Variants in PIGN observed in about 807,000 individuals in gnomAD.
PIGN encodes phosphatidylinositol glycan anchor biosynthesis class N, also known as GPI ethanolamine phosphate transferase 1.
In PIGN, 117 loss-of-function variants were observed where a neutral mutation model predicts 125.4. The observed-to-expected ratio is 0.93, with a 90% confidence interval of 0.80 to 1.09. The LOEUF (loss-of-function observed/expected upper bound fraction) is 1.09. Among genes scored for constraint, PIGN ranks in the 50% least tolerant of loss-of-function variants. The pLI is 0.00. For missense variants in PIGN, 1,075 were observed against 1,094.9 expected (o/e 0.98, Z 0.26); for synonymous variants, 392 against 377.8 (o/e 1.04, Z -0.44).
At chr18:62,176,888 T>A (rs981531898) in intron 1 of PIGN, among the ~76,000 whole-genome samples, 1 of 152,136 alleles carries the variant, frequency 6.6e-6, no homozygotes, top group African/African-American at 2.4e-5. Context: ...TTAGGTGAAG[T>A]TGAGTAAAGG....
chr18:62,062,881 GC>G (rs2032242314), intron 30 of PIGN, among the ~76,000 whole-genome samples: 2 of 22,468 alleles, frequency 8.9e-5, no homozygotes, highest in East Asian at 1.2e-3. Context: ...TTTGTATTCT[GC>G]TTTTTTTTTT....
chr18:62,125,104 GT>G (rs2035466111), intron 14 of PIGN, among the ~76,000 whole-genome samples: 1 of 140,174 alleles, frequency 7.1e-6, no homozygotes, highest in African/African-American at 2.7e-5. Flanking sequence ...ATATATACAC[GT>G]TTGTACATAT....
At chr18:62,156,418 T>C (rs1276645721) in intron 6 of PIGN, among the ~76,000 whole-genome samples, 2 of 152,106 alleles carry the variant, frequency 1.3e-5, no homozygotes, top group African/African-American at 2.4e-5. Flanking sequence ...AGCCTCAACA[T>C]CCCAGGCTCT....
Position 62,097,988 on chromosome 18 carries a change from G to A in PIGN, c.2078-2038C>T, listed in dbSNP as rs147732841. The stretch of plus-strand genomic sequence containing the variant: ...GATAGACAAGTTGGGATGAAATCCC[G>A]GCTGAATCACTTACTAACTGTTTAA... On this transcript the variant is annotated intron_variant, in intron 22 of 30. Transcript: ENST00000640252. 9.5e-3 allele frequency among the ~76,000 whole-genome samples: 1,445 copies of A among 152,222 alleles called. 8 individuals carry two copies. Among genetic ancestry groups the A allele is most frequent in the South Asian group, 0.016 (79 of 4,824 alleles).
At chr18:62,085,120 A>T (rs949952860) in intron 26 of PIGN, 89 bp downstream of exon 26, 4 of 772,186 alleles carry the variant, frequency 5.2e-6, no homozygotes, top group South Asian at 1.7e-5. Flanking sequence ...AAAGAAAAAA[A>T]AATAATAAGG....
At chr18:62,057,924 G>A (rs1202389533) in intron 30 of PIGN, among the ~76,000 whole-genome samples, 2 of 152,174 alleles carry the variant, frequency 1.3e-5, no homozygotes, top group Non-Finnish European at 2.9e-5. Context: ...CATCCAACCA[G>A]ATAAGGACAT....
At chr18:62,121,135 A>C (rs1380326487) in intron 14 of PIGN, among the ~76,000 whole-genome samples, 1 of 152,222 alleles carries the variant, frequency 6.6e-6, no homozygotes, top group East Asian at 1.9e-4. Flanking sequence ...CCAATGACAC[A>C]CTAGAATGCA....
chr18:62,160,523 T>G (rs555841597), intron 4 of PIGN, among the ~76,000 whole-genome samples: 2 of 143,908 alleles, frequency 1.4e-5, no homozygotes, highest in Admixed American at 1.4e-4. Flanking sequence ...TTTTTTTTTG[T>G]TTTTTTTTTT....
At chr18:62,183,984 C>G (rs2037809322) in intron 1 of PIGN, among the ~76,000 whole-genome samples, 1 of 152,066 alleles carries the variant, frequency 6.6e-6, no homozygotes, top group Non-Finnish European at 1.5e-5. Context: ...TTACTTAATA[C>G]TTCTCTTTAA....
At chr18:62,166,163 T>A (rs2037127600) in intron 1 of PIGN, among the ~76,000 whole-genome samples, 1 of 152,202 alleles carries the variant, frequency 6.6e-6, no homozygotes. Flanking sequence ...TGGGCTACTC[T>A]GAGTTTGCGC....
chr18:62,048,285 C>T (rs1420043910), intron 30 of PIGN, among the ~76,000 whole-genome samples: 1 of 152,138 alleles, frequency 6.6e-6, no homozygotes, highest in Non-Finnish European at 1.5e-5. Flanking sequence ...AGAGTACTCA[C>T]AGGAATAGTG....
At chr18:62,065,209 C>T (rs982334342) in intron 30 of PIGN, among the ~76,000 whole-genome samples, 2 of 151,958 alleles carry the variant, frequency 1.3e-5, no homozygotes, top group Non-Finnish European at 2.9e-5. Context: ...ATCTCCCCTC[C>T]TTTCCTTTTT....
intron 30 of PIGN, among the ~76,000 whole-genome samples, chr18:62,069,059 C>G (rs1013642773): frequency 6.6e-6 from 1 of 152,212 alleles, no homozygotes; most frequent in Non-Finnish European, 1.5e-5. Context: ...TTCTCATCCC[C>G]AGCAACTCTC....
In PIGN at chr18:62,107,095, A is replaced by G; in HGVS notation, c.1575-10T>C. The stretch of plus-strand genomic sequence containing the variant: ...CTGAATAACTTGAAATCTGTTTCAA[A>G]TAAAAAGACTGATTGAATTTTAAAG... On this transcript the variant is annotated splice_polypyrimidine_tract_variant and intron_variant, in intron 17 of 30. Transcript: ENST00000640252. 1 of 1,515,128 alleles carries G rather than the reference A, an allele frequency of 6.6e-7. No individual in the cohort carries two copies. The highest frequency in any genetic ancestry group is 9.0e-7 in the Non-Finnish European group (1 of 1,109,560). 93.9% of individuals were successfully genotyped at this position (1,515,128 alleles called of 1,614,324 possible).
At chr18:62,117,145 C>T (rs1202661808) in intron 14 of PIGN, among the ~76,000 whole-genome samples, 2 of 151,996 alleles carry the variant, frequency 1.3e-5, no homozygotes, top group African/African-American at 2.4e-5. Flanking sequence ...TCTATACAAG[C>T]CTCAATGTAT....
intron 1 of PIGN, among the ~76,000 whole-genome samples, chr18:62,177,536 C>A (rs62096122): frequency 0.17 from 26,086 of 152,022 alleles, 2,816 homozygotes; most frequent in Middle Eastern, 0.29. Flanking sequence ...TGGCTTCCAC[C>A]AATTTGTTTA....
chr18:62,138,143 C>G, intron 14 of PIGN, 100 bp downstream of exon 14: 1 of 1,457,668 alleles, frequency 6.9e-7, no homozygotes, highest in South Asian at 1.4e-5. Flanking sequence ...TATAAAATGG[C>G]AAACTGTATA....
At chr18:62,157,489 A>C (rs538660892) in intron 5 of PIGN, among the ~76,000 whole-genome samples, 198 bp downstream of exon 5, 1 of 152,338 alleles carries the variant, frequency 6.6e-6, no homozygotes, top group East Asian at 1.9e-4. Context: ...AATTCTTTCA[A>C]TAACACAGGA....
At chr18:62,079,075 T>C (rs2033321267) in intron 28 of PIGN, among the ~76,000 whole-genome samples, 1 of 152,240 alleles carries the variant, frequency 6.6e-6, no homozygotes, top group South Asian at 2.1e-4. Context: ...ACACTCTGCT[T>C]AAGGCTACCT....
Sources: gnomAD v4.1 joint callset for allele counts (sites outside exome capture counted in the v4.1 genomes callset) on GRCh38, gnomAD v4.1.1 for gene constraint, MANE v1.5 for transcripts, NCBI Gene and HGNC (gene_info 2026-07-23, HGNC 2026-07-21) for gene names.